SLC44A3: variants seen among roughly 807,000 people sequenced by gnomAD.
The protein encoded by SLC44A3 is solute carrier family 44 member 3, also known as choline transporter-like protein 3.
Under a neutral mutation model 75.4 loss-of-function variants are expected in SLC44A3, and 74 were observed. The ratio of observed to expected loss-of-function variants is 0.98; its 90% CI spans 0.81 to 1.19. The LOEUF is 1.19. SLC44A3 is among the 50% of genes most tolerant of loss of function. The probability of loss-of-function intolerance (pLI) is 0.00; values close to 1 mark genes in which losing one functional copy is unlikely to be tolerated. For synonymous variants in SLC44A3, 310 were observed against 296.9 expected (o/e 1.04, Z -0.45); for missense variants, 700 against 778.6 (o/e 0.90, Z 1.20).
At chr1:94,887,621 G>A (rs1195361792) in intron 12 of SLC44A3, among the ~76,000 whole-genome samples, 1 of 152,164 alleles carries the variant, frequency 6.6e-6, no homozygotes, top group African/African-American at 2.4e-5. Flanking sequence ...ATGAGAGATG[G>A]TGCTAAATTA....
intron 9 of SLC44A3, among the ~76,000 whole-genome samples, chr1:94,853,405 G>C (rs1231352907): frequency 6.6e-6 from 1 of 152,176 alleles, no homozygotes; most frequent in Non-Finnish European, 1.5e-5. Flanking sequence ...GAAATGGAGA[G>C]GAAGCTGGAA....
chr1:94,894,252 A>G (rs1172665932), intron 14 of SLC44A3, among the ~76,000 whole-genome samples: 3 of 152,216 alleles, frequency 2.0e-5, no homozygotes, highest in African/African-American at 7.2e-5. Flanking sequence ...ACTCCATAAT[A>G]TGGCACTTTG....
At chr1:94,863,659 A>C (rs55956893) in intron 10 of SLC44A3, among the ~76,000 whole-genome samples, 3,191 of 152,292 alleles carry the variant, frequency 0.021, 43 homozygotes, top group Non-Finnish European at 0.029. Flanking sequence ...GGTTTTTCCT[A>C]CTTTAAATAA....
intron 12 of SLC44A3, among the ~76,000 whole-genome samples, chr1:94,888,488 A>G (rs1448849125): frequency 6.6e-6 from 1 of 152,156 alleles, no homozygotes; most frequent in Admixed American, 6.5e-5. Context: ...TGCCTAGTTA[A>G]ATAATATGAG....
intron 12 of SLC44A3, 32 bp downstream of exon 12, chr1:94,867,449 C>G (rs1453254191): frequency 6.4e-7 from 1 of 1,564,138 alleles, no homozygotes; most frequent in Non-Finnish European, 8.7e-7. Context: ...CAGGAACACA[C>G]AGAAGGGTCC....
At chr1:94,839,832 A>G (rs1663341395) in intron 6 of SLC44A3, 116 bp from the exon 7 acceptor site, 2 of 758,860 alleles carry the variant, frequency 2.6e-6, no homozygotes, top group Non-Finnish European at 4.7e-6. Context: ...ATATTTAGAG[A>G]TTGAATACAA....
intron 5 of SLC44A3, among the ~76,000 whole-genome samples, chr1:94,834,512 T>C (rs1192132439): frequency 1.3e-5 from 2 of 152,030 alleles, no homozygotes; most frequent in Non-Finnish European, 2.9e-5. Context: ...TTTGAAACAG[T>C]CTTGCCCTGT....
intron 10 of SLC44A3, among the ~76,000 whole-genome samples, chr1:94,860,866 A>G (rs1204418332): frequency 6.6e-6 from 1 of 152,256 alleles, no homozygotes; most frequent in African/African-American, 2.4e-5. Context: ...AGAGCAGAGC[A>G]AGGAATTCCC....
At chr1:94,860,908 C>T (rs1666491113) in intron 10 of SLC44A3, among the ~76,000 whole-genome samples, 1 of 152,180 alleles carries the variant, frequency 6.6e-6, no homozygotes, top group African/African-American at 2.4e-5. Flanking sequence ...GCGTGGAAAG[C>T]GTCCAGTCCA....
chr1:94,842,827 T>C (rs1663842335), intron 8 of SLC44A3, among the ~76,000 whole-genome samples: 1 of 152,252 alleles, frequency 6.6e-6, no homozygotes, highest in African/African-American at 2.4e-5. Context: ...CACAAGCCCA[T>C]TGAATCTTGC....
intron 12 of SLC44A3, among the ~76,000 whole-genome samples, chr1:94,878,816 C>G (rs1418091708): frequency 2.0e-5 from 3 of 152,098 alleles, no homozygotes; most frequent in Non-Finnish European, 4.4e-5. Context: ...GCAAAGATAC[C>G]AAGACCACAC....
chr1:94,859,903 C>T (rs1666370777), intron 10 of SLC44A3, among the ~76,000 whole-genome samples: 1 of 152,156 alleles, frequency 6.6e-6, no homozygotes, highest in Non-Finnish European at 1.5e-5. Context: ...TAAAGACCTA[C>T]AGATAGTGCC....
In SLC44A3 at chr1:94,859,373, C is replaced by T. The variant is rs535010415; in HGVS notation, c.1238+1873C>T. On this transcript the variant is annotated intron_variant, in intron 10 of 14. Coordinates refer to ENST00000271227, the MANE Select transcript of SLC44A3 (RefSeq NM_001114106.3). Reference sequence around the variant, plus strand: ...ACCAGGACAGTAAGAAACAGAGAGGCAATGACAGCAGATAAGAAACACCAA... The same window carrying T: ...ACCAGGACAGTAAGAAACAGAGAGGTAATGACAGCAGATAAGAAACACCAA... Among the ~76,000 whole-genome samples, 6 of 151,916 alleles carry T rather than the reference C, an allele frequency of 3.9e-5. No individual in the cohort carries two copies. The East Asian group carries it at 1.2e-3, about 30-fold the overall frequency.
At chr1:94,860,155 A>G (rs1048225145) in intron 10 of SLC44A3, among the ~76,000 whole-genome samples, 1 of 152,216 alleles carries the variant, frequency 6.6e-6, no homozygotes, top group Non-Finnish European at 1.5e-5. Flanking sequence ...TGCAAAAGGA[A>G]ACAACAAAGC....
chr1:94,883,891 G>A (rs1669274912), intron 12 of SLC44A3, among the ~76,000 whole-genome samples: 1 of 152,086 alleles, frequency 6.6e-6, no homozygotes, highest in Non-Finnish European at 1.5e-5. Context: ...CGTAGCGCAT[G>A]CTCAGTGTAT....
chr1:94,820,602 C>CT, intron 1 of SLC44A3, 124 bp downstream of exon 1: 1 of 1,393,876 alleles, frequency 7.2e-7, no homozygotes, highest in Non-Finnish European at 9.3e-7. Context: ...CCCGCCCCCG[C>CT]TTAGTACCTT....
chr1:94,854,867 T>C (rs967978462), intron 9 of SLC44A3, among the ~76,000 whole-genome samples: 1 of 151,924 alleles, frequency 6.6e-6, no homozygotes, highest in Admixed American at 6.6e-5. Flanking sequence ...CACCCTCCAG[T>C]GCGCAGGACA....
At chr1:94,831,667 G>A (rs1238251820) in intron 5 of SLC44A3, among the ~76,000 whole-genome samples, 3 of 152,178 alleles carry the variant, frequency 2.0e-5, no homozygotes, top group East Asian at 1.9e-4. Context: ...TCTAAAAGGC[G>A]TGGATATTTT....
intron 12 of SLC44A3, among the ~76,000 whole-genome samples, chr1:94,868,414 TC>T (rs1453988754): frequency 6.6e-6 from 1 of 152,230 alleles, no homozygotes; most frequent in Non-Finnish European, 1.5e-5. Flanking sequence ...AATGTAGCCT[TC>T]TTATAGTAAG....
Sources: allele counts gnomAD v4.1 joint callset (sites outside exome capture counted in the v4.1 genomes callset), GRCh38; gene constraint gnomAD v4.1.1; transcripts MANE v1.5; gene names NCBI Gene and HGNC (gene_info 2026-07-23, HGNC 2026-07-21).